TRPS1: variants seen among roughly 807,000 people sequenced by gnomAD.
The protein encoded by TRPS1 is transcriptional repressor GATA binding 1, also known as zinc finger transcription factor Trps1.
TRPS1 carries 6 observed loss-of-function variants against 101.2 expected under a neutral mutation model. The observed-to-expected ratio is 0.06, with a 90% CI of 0.03 to 0.12. The LOEUF (loss-of-function observed/expected upper bound fraction) is 0.12, where lower values mean the gene tolerates loss of function less well. Ranked by LOEUF, TRPS1 falls within the 10% of genes least tolerant of loss-of-function variation. The pLI is 1.00. For synonymous variants in TRPS1, 578 were observed against 589.8 expected (o/e 0.98, Z 0.29); for missense variants, 1,363 against 1,567.0 (o/e 0.87, Z 2.20).
rs1220787027 is a variant in TRPS1, at chr8:115,411,579, G to A, written c.*2444C>T. The A allele has an allele frequency of 6.6e-6, 1 of 152,436 alleles. No homozygotes were observed. Among genetic ancestry groups the A allele is most frequent in the Middle Eastern group, 3.2e-3 (1 of 316 alleles). 9.4% of individuals were successfully genotyped at this position (152,436 alleles called of 1,614,324 possible). A position where few individuals can be genotyped will look rare whatever the true frequency, so the allele number is the denominator to read the frequency against. On this transcript the variant is annotated 3_prime_UTR_variant, in exon 7 of 7. Transcript: ENST00000395715. ...TAGATCTTTAATTGTCACCTCTCAA[G>A]TCTGGCTATACATTTTGAGATGCAT...
chr8:115,450,507 GCGCT>G (rs1021327648), intron 5 of TRPS1, among the ~76,000 whole-genome samples: 161 of 151,960 alleles, frequency 1.1e-3, no homozygotes, highest in African/African-American at 3.4e-3. Context: ...ACTAGCTAAT[GCGCT>G]GACTCTTTTT....
chr8:115,599,464 A>G (rs1361752166), intron 4 of TRPS1, among the ~76,000 whole-genome samples: 2 of 151,854 alleles, frequency 1.3e-5, no homozygotes, highest in Non-Finnish European at 2.9e-5. Flanking sequence ...TGCATTAGGT[A>G]TTTGTCCTAA....
chr8:115,590,592 T>C (rs924468125), intron 4 of TRPS1, among the ~76,000 whole-genome samples: 1 of 152,186 alleles, frequency 6.6e-6, no homozygotes. Flanking sequence ...GCAAAATTAT[T>C]TTCAAACGGT....
At chr8:115,609,196 ACT>A (rs1818107732) in intron 3 of TRPS1, among the ~76,000 whole-genome samples, 1 of 152,128 alleles carries the variant, frequency 6.6e-6, no homozygotes, top group Non-Finnish European at 1.5e-5. Flanking sequence ...TAGATAGCAC[ACT>A]CAACAGTAAC....
chr8:115,630,239 A>T (rs1818608857), intron 1 of TRPS1, among the ~76,000 whole-genome samples: 1 of 151,974 alleles, frequency 6.6e-6, no homozygotes, highest in Admixed American at 6.6e-5. Context: ...TAGTGATGTG[A>T]CATACAGGAG....
Position 115,490,579 on chromosome 8 carries a change from T to C in TRPS1, c.2701-72127A>G, listed in dbSNP as rs570088915. Reference sequence around the variant, plus strand: ...GCTATAAACTTAGTACAATAACCAATACATTTCGATCTTTTATATTGTGTC... The same window carrying C: ...GCTATAAACTTAGTACAATAACCAACACATTTCGATCTTTTATATTGTGTC... On this transcript the variant is annotated intron_variant, in intron 5 of 6. Coordinates refer to ENST00000395715, the MANE Select transcript of TRPS1 (RefSeq NM_014112.5). Among the ~76,000 whole-genome samples, 3 of 152,274 alleles carry C rather than the reference T, an allele frequency of 2.0e-5. No homozygotes were observed. The East Asian group carries it at 5.8e-4, about 29-fold the overall frequency.
intron 5 of TRPS1, among the ~76,000 whole-genome samples, chr8:115,532,936 G>A (rs2130271385): frequency 6.6e-6 from 1 of 152,282 alleles, no homozygotes; most frequent in South Asian, 2.1e-4. Context: ...TGGCAGAGTA[G>A]AGGATAGATT....
intron 5 of TRPS1, among the ~76,000 whole-genome samples, chr8:115,453,104 C>T (rs142454579): frequency 0.013 from 1,965 of 152,074 alleles, 42 homozygotes; most frequent in African/African-American, 0.045. Flanking sequence ...TCACTGCAAC[C>T]TCCGCCTCCT....
chr8:115,571,529 C>T (rs1389283427), intron 5 of TRPS1, among the ~76,000 whole-genome samples: 2 of 152,040 alleles, frequency 1.3e-5, no homozygotes, highest in African/African-American at 2.4e-5. Flanking sequence ...TCCCAGGGAT[C>T]GTAGGAATTT....
At chr8:115,583,415 T>G (rs1373053929) in intron 5 of TRPS1, among the ~76,000 whole-genome samples, 1 of 152,130 alleles carries the variant, frequency 6.6e-6, no homozygotes, top group Non-Finnish European at 1.5e-5. Flanking sequence ...TTTAAACATG[T>G]TAACCTCTTC....
At chr8:115,433,564 C>T (rs973920958) in intron 5 of TRPS1, among the ~76,000 whole-genome samples, 16 of 151,900 alleles carry the variant, frequency 1.1e-4, no homozygotes, top group Admixed American at 6.6e-4. Context: ...TGATTTCTAC[C>T]GCTACTCAAT....
At chr8:115,538,847 G>C (rs1200794031) in intron 5 of TRPS1, among the ~76,000 whole-genome samples, 1 of 152,158 alleles carries the variant, frequency 6.6e-6, no homozygotes, top group Non-Finnish European at 1.5e-5. Flanking sequence ...GAGCCAGTAA[G>C]AGGTTATAGA....
Position 115,451,293 on chromosome 8 carries a change from C to A in TRPS1, c.2701-32841G>T, listed in dbSNP as rs372584677. ...CACAAATGTATTCTTATTCACTACT[C>A]ATTCCTCATTCATTCAACATTCATT... On this transcript the variant is annotated intron_variant, in intron 5 of 6. Transcript: ENST00000395715. Among the ~76,000 whole-genome samples the A allele has an allele frequency of 3.9e-5, 6 of 152,094 alleles. No homozygotes were observed. The East Asian group carries it at 1.2e-3, about 29-fold the overall frequency.
At chr8:115,535,276 C>CATATATATAGCAT (rs767946298) in intron 5 of TRPS1, among the ~76,000 whole-genome samples, 1 of 111,262 alleles carries the variant, frequency 9.0e-6, no homozygotes, top group Admixed American at 9.1e-5. Context: ...ATATATATAG[C>CATATATATAGCAT]ATATATAGCA....
intron 1 of TRPS1, among the ~76,000 whole-genome samples, chr8:115,640,386 A>T (rs1416315497): frequency 6.6e-6 from 1 of 152,172 alleles, no homozygotes; most frequent in African/African-American, 2.4e-5. Flanking sequence ...TCCTTAAATC[A>T]CTGAAGGACA....
intron 5 of TRPS1, chr8:115,515,135 C>T (rs2130199385): frequency 1.5e-6 from 1 of 647,304 alleles, no homozygotes; most frequent in South Asian, 1.7e-5. Context: ...AGAATGATAG[C>T]TAGAAGACAA....
At chr8:115,653,521 A>G (rs1014160734) in intron 1 of TRPS1, among the ~76,000 whole-genome samples, 2 of 152,214 alleles carry the variant, frequency 1.3e-5, no homozygotes, top group Non-Finnish European at 2.9e-5. Flanking sequence ...ATCATTCTAT[A>G]GTTTTCTGAT....
chr8:115,662,269 CT>C (rs1811819916), intron 1 of TRPS1, among the ~76,000 whole-genome samples: 1 of 151,988 alleles, frequency 6.6e-6, no homozygotes, highest in Non-Finnish European at 1.5e-5. Flanking sequence ...GCCTTAAAGA[CT>C]GTACTCTTCC....
intron 5 of TRPS1, among the ~76,000 whole-genome samples, chr8:115,561,335 C>G (rs1169318588): frequency 1.3e-5 from 2 of 151,992 alleles, no homozygotes; most frequent in Non-Finnish European, 2.9e-5. Flanking sequence ...CACAAGGCAG[C>G]CATGAGCTAC....
Sources: allele counts gnomAD v4.1 joint callset (sites outside exome capture counted in the v4.1 genomes callset), GRCh38; gene constraint gnomAD v4.1.1; transcripts MANE v1.5; gene names NCBI Gene and HGNC (gene_info 2026-07-23, HGNC 2026-07-21).